SLC9A9: variants seen among roughly 807,000 people sequenced by gnomAD.
SLC9A9 encodes sodium/hydrogen exchanger 9.
Under a neutral mutation model 77.8 loss-of-function variants are expected in SLC9A9, and 62 were observed. The observed-to-expected ratio is 0.80, with a 90% CI of 0.65 to 0.98. The LOEUF is 0.98. Ranked by LOEUF, SLC9A9 falls within the 50% of genes least tolerant of loss-of-function variation. The pLI, the probability that SLC9A9 is intolerant of heterozygous loss-of-function variation, is 0.00. For synonymous variants in SLC9A9, 320 were observed against 283.5 expected (o/e 1.13, Z -1.29); for missense variants, 775 against 774.9 (o/e 1.00, Z 0.00).
intron 11 of SLC9A9, among the ~76,000 whole-genome samples, chr3:143,489,127 T>C (rs1453087884): frequency 6.6e-6 from 1 of 151,776 alleles, no homozygotes; most frequent in Non-Finnish European, 1.5e-5. Context: ...TGAAAATAAT[T>C]CCATTCACAA....
At chr3:143,725,381 A>G (rs6440186) in intron 4 of SLC9A9, among the ~76,000 whole-genome samples, 129,111 of 145,118 alleles carry the variant, frequency 0.89, 57,406 homozygotes, top group East Asian at 0.99. Context: ...CCATCCCATT[A>G]CTGGGTATAT....
intron 5 of SLC9A9, among the ~76,000 whole-genome samples, chr3:143,665,012 C>G (rs1432227401): frequency 1.3e-5 from 2 of 152,144 alleles, no homozygotes; most frequent in Non-Finnish European, 2.9e-5. Context: ...AACTCTCCAC[C>G]CCAAATCAAC....
At chr3:143,475,448 T>G (rs181928976) in intron 11 of SLC9A9, among the ~76,000 whole-genome samples, 1 of 152,004 alleles carries the variant, frequency 6.6e-6, no homozygotes, top group African/African-American at 2.4e-5. Flanking sequence ...CTGCAAGCAA[T>G]GGATGAATCC....
At chr3:143,462,251 T>C (rs185293522) in intron 12 of SLC9A9, among the ~76,000 whole-genome samples, 1 of 152,076 alleles carries the variant, frequency 6.6e-6, no homozygotes, top group Non-Finnish European at 1.5e-5. Flanking sequence ...TGCACACCTG[T>C]AGTCTCAGCT....
chr3:143,503,096 G>T (rs1380255584), intron 9 of SLC9A9, among the ~76,000 whole-genome samples: 1 of 152,180 alleles, frequency 6.6e-6, no homozygotes, highest in African/African-American at 2.4e-5. Context: ...GGACTCTATT[G>T]ATGGTGCAGG....
intron 13 of SLC9A9, among the ~76,000 whole-genome samples, chr3:143,365,961 C>T (rs764101495): frequency 7.2e-5 from 11 of 152,214 alleles, no homozygotes; most frequent in African/African-American, 2.2e-4. Context: ...AATAAGGATA[C>T]GTGGATTTTT....
chr3:143,625,477 T>C (rs890037337), intron 6 of SLC9A9, among the ~76,000 whole-genome samples: 6 of 152,330 alleles, frequency 3.9e-5, no homozygotes, highest in Admixed American at 1.3e-4. Context: ...TATAACCATC[T>C]GATCTTTGAC....
At position 143,554,565 on chromosome 3, in the gene SLC9A9, C is replaced by G. The variant is rs559567864; in HGVS notation, c.1001-2115G>C. ...CAACGATAGCTTCCTAACTGGCCTC[C>G]CTGCCTCCCATGGTAGCCCCTAGCA... On this transcript the variant is annotated intron_variant, in intron 8 of 15. Transcript: ENST00000316549. Among the ~76,000 whole-genome samples, 12 of 152,306 alleles carry G rather than the reference C, an allele frequency of 7.9e-5. No homozygotes were observed. In the South Asian group the frequency reaches 2.3e-3, roughly 29 times the overall value.
At chr3:143,806,714 C>A (rs2008723560) in intron 2 of SLC9A9, among the ~76,000 whole-genome samples, 1 of 143,594 alleles carries the variant, frequency 7.0e-6, no homozygotes, top group Non-Finnish European at 1.5e-5. Context: ...TTACCAGAGG[C>A]TGGGAAGGGT....
At chr3:143,426,662 C>T (rs997429312) in intron 12 of SLC9A9, among the ~76,000 whole-genome samples, 4 of 152,260 alleles carry the variant, frequency 2.6e-5, no homozygotes, top group Admixed American at 2.0e-4. Context: ...GTCAAGTAGG[C>T]ATTGTTTGAT....
intron 11 of SLC9A9, among the ~76,000 whole-genome samples, chr3:143,480,322 C>G (rs1437347209): frequency 6.6e-6 from 1 of 152,184 alleles, no homozygotes; most frequent in South Asian, 2.1e-4. Context: ...ATGGGGCAGG[C>G]CACAGTTCTA....
At chr3:143,542,655 C>T (rs186779059) in intron 9 of SLC9A9, among the ~76,000 whole-genome samples, 70 of 152,266 alleles carry the variant, frequency 4.6e-4, no homozygotes, top group African/African-American at 1.6e-3. Flanking sequence ...ATTTGCCTTA[C>T]GCATCCAACT....
intron 2 of SLC9A9, among the ~76,000 whole-genome samples, chr3:143,815,679 C>T (rs543519372): frequency 2.6e-5 from 4 of 151,780 alleles, no homozygotes; most frequent in African/African-American, 9.7e-5. Flanking sequence ...TCCTGGCCAA[C>T]ATGGTGAAAT....
At chr3:143,824,216 TA>T (rs1275353803) in intron 2 of SLC9A9, among the ~76,000 whole-genome samples, 8 of 151,970 alleles carry the variant, frequency 5.3e-5, no homozygotes, top group Non-Finnish European at 1.0e-4. Context: ...CTTTAAAAAA[TA>T]TTTTTTTCTA....
intron 12 of SLC9A9, among the ~76,000 whole-genome samples, chr3:143,400,551 G>A (rs2033831481): frequency 6.6e-6 from 1 of 151,970 alleles, no homozygotes; most frequent in Non-Finnish European, 1.5e-5. Flanking sequence ...CTGGCAGGTG[G>A]GTGAGGGATA....
At chr3:143,466,482 C>G (rs1028280718) in intron 12 of SLC9A9, among the ~76,000 whole-genome samples, 3 of 152,176 alleles carry the variant, frequency 2.0e-5, no homozygotes, top group African/African-American at 7.2e-5. Context: ...ATTGGAGGGC[C>G]ACTGACTGAA....
intron 5 of SLC9A9, chr3:143,655,406 C>A: frequency 1.7e-5 from 15 of 905,734 alleles, no homozygotes; most frequent in Non-Finnish European, 1.8e-5. Flanking sequence ...CTCTGGACAT[C>A]GTGTGGATAG....
chr3:143,599,095 G>A (rs1268980923), intron 6 of SLC9A9, among the ~76,000 whole-genome samples: 1 of 152,210 alleles, frequency 6.6e-6, no homozygotes, highest in Admixed American at 6.5e-5. Flanking sequence ...CATAGGTGCA[G>A]TGCACCAGAT....
chr3:143,537,798 C>A (rs988565340), intron 9 of SLC9A9, among the ~76,000 whole-genome samples: 1 of 152,160 alleles, frequency 6.6e-6, no homozygotes, highest in African/African-American at 2.4e-5. Context: ...TGCAAGCATA[C>A]CAGCAGGCAG....
Sources: allele counts gnomAD v4.1 joint callset (sites outside exome capture counted in the v4.1 genomes callset), GRCh38; gene constraint gnomAD v4.1.1; transcripts MANE v1.5; gene names NCBI Gene and HGNC (gene_info 2026-07-23, HGNC 2026-07-21).